Variants in GRM7 observed in about 807,000 individuals in gnomAD.
GRM7 encodes metabotropic glutamate receptor 7.
A neutral mutation model predicts 84.5 loss-of-function variants in GRM7; 35 were observed. That is an observed-to-expected ratio of 0.41 (90% confidence interval 0.32 to 0.55). The LOEUF (loss-of-function observed/expected upper bound fraction) is 0.55. GRM7 is among the 20% of genes least tolerant of loss of function. The probability of loss-of-function intolerance (pLI) is 0.19; values close to 1 mark genes in which losing one functional copy is unlikely to be tolerated. For missense variants in GRM7, 1,003 were observed against 1,194.6 expected (o/e 0.84, Z 2.36); for synonymous variants, 487 against 455.1 (o/e 1.07, Z -0.89).
rs149574211 is a variant in GRM7, at chr3:7,674,940, A to G, written c.2452-5109A>G. On this transcript the variant is annotated intron_variant, in intron 8 of 9. Coordinates refer to ENST00000357716, the MANE Select transcript of GRM7 (RefSeq NM_000844.4). ...TGGAAGAGTAAGGTTTTTCATATAC[A>G]GCCTATCTGAAAACTACAGCTAACA... 4.7e-3 allele frequency among the ~76,000 whole-genome samples: 713 copies of G among 152,360 alleles called. 18 individuals carry two copies. In the East Asian group the frequency reaches 0.091, roughly 19 times the overall value.
At chr3:7,476,901 C>A (rs1181857285) in intron 7 of GRM7, among the ~76,000 whole-genome samples, 1 of 152,180 alleles carries the variant, frequency 6.6e-6, no homozygotes, top group African/African-American at 2.4e-5. Context: ...GAATACTGGC[C>A]ACTGGACACA....
At chr3:7,328,059 C>G (rs1701053617) in intron 4 of GRM7, among the ~76,000 whole-genome samples, 1 of 152,154 alleles carries the variant, frequency 6.6e-6, no homozygotes, top group South Asian at 2.1e-4. Flanking sequence ...CCCTCTAATG[C>G]TGAAATCCCT....
chr3:7,349,536 C>T (rs778748282), intron 4 of GRM7, among the ~76,000 whole-genome samples: 6 of 152,052 alleles, frequency 3.9e-5, no homozygotes, highest in Admixed American at 1.3e-4. Flanking sequence ...CTTGTGGTGT[C>T]GAAGTAGATA....
At position 6,908,796 on chromosome 3, in the gene GRM7, G is replaced by T. The variant is rs896021269; in HGVS notation, c.519+46889G>T. ...AACATGAGATGTCTGTTAAGATCAC[G>T]TTCCTATTAGAACTAGCAAGAACTA... On this transcript the variant is annotated intron_variant, in intron 1 of 9. Transcript: ENST00000357716. 3.3e-5 allele frequency among the ~76,000 whole-genome samples: 5 copies of T among 152,100 alleles called. No homozygotes were observed. The South Asian group carries it at 1.0e-3, about 32-fold the overall frequency.
At chr3:7,463,567 A>G (rs1045610321) in intron 7 of GRM7, among the ~76,000 whole-genome samples, 1 of 152,132 alleles carries the variant, frequency 6.6e-6, no homozygotes, top group African/African-American at 2.4e-5. Flanking sequence ...ATGGAGTTAC[A>G]TGGTACTCAG....
intron 4 of GRM7, among the ~76,000 whole-genome samples, chr3:7,337,912 C>T (rs1474330034): frequency 2.0e-5 from 3 of 151,730 alleles, no homozygotes; most frequent in Non-Finnish European, 4.4e-5. Flanking sequence ...TGGGTATCTA[C>T]CCAGAAGAAG....
intron 2 of GRM7, among the ~76,000 whole-genome samples, chr3:7,234,442 A>C (rs963549031): frequency 3.3e-5 from 5 of 152,284 alleles, no homozygotes; most frequent in Admixed American, 3.3e-4. Flanking sequence ...AACCAGTAAT[A>C]AAGTATCTGC....
intron 2 of GRM7, among the ~76,000 whole-genome samples, chr3:7,204,121 G>T (rs1696155114): frequency 6.6e-6 from 1 of 152,182 alleles, no homozygotes. Context: ...AAAAAGTTCA[G>T]GTGTGGACCG....
intron 9 of GRM7, among the ~76,000 whole-genome samples, chr3:7,734,247 C>CGGGGG (rs3838613): frequency 3.6e-5 from 3 of 82,326 alleles, no homozygotes; most frequent in African/African-American, 7.6e-5. Flanking sequence ...TTGGCAGGGG[C>CGGGGG]GGGGGGGGGG....
chr3:7,486,782 G>C lies in GRM7; in HGVS notation c.1515+25060G>C, dbSNP rs1229885123. On this transcript the variant is annotated intron_variant, in intron 7 of 9. Transcript: ENST00000357716. The surrounding 1 kb of genome is among the most constrained non-coding windows in gnomAD (Gnocchi z 5.5). ...ACTACAGCAACACCAAAGAAACTAA[G>C]AAAATGGATGCTGGGAAGTGGAGTT... is the stretch of plus-strand genomic sequence containing the variant. 6.6e-6 allele frequency among the ~76,000 whole-genome samples: 1 copy of C among 152,168 alleles called. No individual in the cohort carries two copies. The highest frequency in any genetic ancestry group is 2.4e-5 in the African/African-American group (1 of 41,452).
At chr3:7,670,678 A>C in intron 8 of GRM7, among the ~76,000 whole-genome samples, 1 of 124 alleles carries the variant, frequency 8.1e-3, no homozygotes, top group South Asian at 0.12. Flanking sequence ...ATTGTACTAT[A>C]CAATGGATAT....
At chr3:7,048,039 T>C (rs188672702) in intron 1 of GRM7, among the ~76,000 whole-genome samples, 1 of 152,110 alleles carries the variant, frequency 6.6e-6, no homozygotes, top group South Asian at 2.1e-4. Context: ...TAATTCTTAG[T>C]CTCAGTTCAA....
chr3:7,605,260 AGG>A (rs1696508647), intron 8 of GRM7, among the ~76,000 whole-genome samples: 1 of 152,150 alleles, frequency 6.6e-6, no homozygotes, highest in African/African-American at 2.4e-5. Flanking sequence ...GAGACTCAAA[AGG>A]CTGTGGTTAT....
chr3:6,880,716 C>G (rs1459981660), intron 1 of GRM7, among the ~76,000 whole-genome samples: 1 of 152,116 alleles, frequency 6.6e-6, no homozygotes, highest in Admixed American at 6.6e-5. Context: ...TCTCACTCGT[C>G]TTTGTCAAAA....
intron 7 of GRM7, among the ~76,000 whole-genome samples, chr3:7,516,075 G>A (rs1431974194): frequency 6.6e-6 from 1 of 150,718 alleles, no homozygotes; most frequent in Non-Finnish European, 1.5e-5. Flanking sequence ...GCTGAGGTGG[G>A]AGGATCTTGA....
chr3:7,496,756 T>A (rs1699717883), intron 7 of GRM7, among the ~76,000 whole-genome samples: 1 of 151,712 alleles, frequency 6.6e-6, no homozygotes, highest in Non-Finnish European at 1.5e-5. Context: ...CTGCATCGAA[T>A]TAAGAAAAAT....
chr3:7,125,104 TAA>T (rs1443766386), intron 1 of GRM7, among the ~76,000 whole-genome samples: 1 of 152,122 alleles, frequency 6.6e-6, no homozygotes, highest in East Asian at 1.9e-4. Flanking sequence ...CATGCCCACC[TAA>T]GTTTTGTATT....
intron 4 of GRM7, among the ~76,000 whole-genome samples, chr3:7,323,908 C>CT (rs1409859769): frequency 6.6e-6 from 1 of 152,162 alleles, no homozygotes; most frequent in Non-Finnish European, 1.5e-5. Flanking sequence ...CCACTATAAT[C>CT]TATCAAAATT....
intron 2 of GRM7, among the ~76,000 whole-genome samples, chr3:7,286,702 G>T (rs1699443048): frequency 6.6e-6 from 1 of 152,046 alleles, no homozygotes; most frequent in Non-Finnish European, 1.5e-5. Flanking sequence ...AGAATTTAAG[G>T]ATCTCTGCAT....
Sources: allele counts gnomAD v4.1 joint callset (sites outside exome capture counted in the v4.1 genomes callset), GRCh38; gene constraint gnomAD v4.1.1; non-coding constraint Gnocchi (gnomAD v3.1); transcripts MANE v1.5; gene names NCBI Gene and HGNC (gene_info 2026-07-23, HGNC 2026-07-21).